MYO9B: variants seen among roughly 807,000 people sequenced by gnomAD.
MYO9B encodes the protein unconventional myosin-IXb.
In MYO9B, 71 loss-of-function variants were observed where a neutral mutation model predicts 229.5. That is an observed-to-expected ratio of 0.31 (90% CI 0.26 to 0.38). The LOEUF (loss-of-function observed/expected upper bound fraction) is 0.38, where lower values mean the gene tolerates loss of function less well. MYO9B is among the 10% of genes least tolerant of loss of function. The pLI, the probability that MYO9B is intolerant of heterozygous loss-of-function variation, is 1.00. For synonymous variants in MYO9B, 1,185 were observed against 1,235.8 expected (o/e 0.96, Z 0.86); for missense variants, 2,255 against 2,920.5 (o/e 0.77, Z 5.25).
intron 14 of MYO9B, chr19:17,177,835 A>G (rs2072807949): frequency 6.6e-6 from 1 of 152,584 alleles, no homozygotes; most frequent in Non-Finnish European, 1.5e-5. Context: ...GGCTCTGAGG[A>G]GTTCGATATT....
rs750917703 is a variant in MYO9B, at chr19:17,212,016, G to A, written c.6180G>A (p.Arg2060=). 2.0e-6 allele frequency: 3 copies of A among 1,524,438 alleles called. No individual in the cohort carries two copies. The highest frequency in any genetic ancestry group is 1.1e-5 in the South Asian group (1 of 89,546). The allele number at this position is 1,524,438 out of a possible 1,614,324, so 94.4% of individuals were successfully genotyped here. Residue 2060 remains arginine (R), a synonymous_variant, in exon 40 of 40, where the codon CGG becomes CGA. Coordinates refer to ENST00000682292, the MANE Select transcript of MYO9B (RefSeq NM_004145.4). This position sits in a 1 kb window ranked among gnomAD's most constrained non-coding sequence, Gnocchi z 5.4. ...TAACGGTCAGAGTGAAGACCCCCCG[G>A]CGGACCCCCATCATGCCCACGGCCA... ...SFVTVRVKTP[R]RTPIMPTANI...
Position 17,175,700 on chromosome 19 carries a change from G to C in MYO9B, c.2178G>C (p.Glu726Asp), listed in dbSNP as rs1397895358. 6.3e-7 allele frequency: 1 copy of C among 1,575,160 alleles called. No individual in the cohort carries two copies. Among genetic ancestry groups the C allele is most frequent in the Admixed American group, 1.8e-5 (1 of 54,130 alleles). Residue 726 changes from glutamate to aspartate, a missense_variant, in exon 14 of 40, where the codon GAG becomes GAC. This residue lies in a region of MYO9B where 155 missense variants were observed against 159.1 expected (regional missense o/e 0.97). Coordinates refer to ENST00000682292, the MANE Select transcript of MYO9B (RefSeq NM_004145.4). ...CTGGTGCCCAAAGTCACCCAGAAGAGCTGCCAAGAGGAGCCAGCACCCCTT... is the reference window on the plus strand; with the variant it reads ...CTGGTGCCCAAAGTCACCCAGAAGACCTGCCAAGAGGAGCCAGCACCCCTT... The part of the protein sequence containing the change: ...SSPGAQSHPE[E>D]LPRGASTPSE...
intron 34 of MYO9B, 114 bp from the exon 35 acceptor site, chr19:17,206,999 C>T: frequency 7.0e-7 from 1 of 1,424,186 alleles, no homozygotes; most frequent in Admixed American, 2.0e-5. Flanking sequence ...CAGTGCTGGG[C>T]TGTGGCACTG....
Position 17,206,079 on chromosome 19 carries a change from G to C in MYO9B, c.5184G>C (p.Leu1728=), listed in dbSNP as rs751137942. Residue 1728 remains leucine, a synonymous_variant, in exon 32 of 40, where the codon CTG becomes CTC. Transcript: ENST00000682292. ...KLLEHVEMHG[L]YTEGLYRKSG... ...TGGAACACGTGGAGATGCACGGCCTGTACACCGAGGGCCTCTACCGCAAGT... is the reference window on the plus strand; with the variant it reads ...TGGAACACGTGGAGATGCACGGCCTCTACACCGAGGGCCTCTACCGCAAGT... 4 of 1,609,324 alleles carry C rather than the reference G, an allele frequency of 2.5e-6. No homozygotes were observed. The highest frequency in any genetic ancestry group is 3.4e-6 in the Non-Finnish European group (4 of 1,176,826).
At chr19:17,173,011 G>A (rs1401851653) in intron 13 of MYO9B, 48 bp downstream of exon 13, 1 of 1,577,962 alleles carries the variant, frequency 6.3e-7, no homozygotes, top group Non-Finnish European at 8.6e-7. Flanking sequence ...TCGAGAGGGG[G>A]GCACATCCTG....
At chr19:17,121,357 G>A (rs1208642822) in intron 2 of MYO9B, among the ~76,000 whole-genome samples, 1 of 152,020 alleles carries the variant, frequency 6.6e-6, no homozygotes, top group Non-Finnish European at 1.5e-5. Flanking sequence ...CGGGAGATGA[G>A]GGCAAACTGA....
chr19:17,183,894 GACACGT>G, intron 16 of MYO9B, 26 bp downstream of exon 16: 1 of 1,548,848 alleles, frequency 6.5e-7, no homozygotes, highest in Non-Finnish European at 8.7e-7. Context: ...CACCCCGCGC[GACACGT>G]TCCAAGATAT....
intron 10 of MYO9B, among the ~76,000 whole-genome samples, chr19:17,164,146 C>T (rs749572854): frequency 1.3e-5 from 2 of 152,064 alleles, no homozygotes; most frequent in African/African-American, 4.8e-5. Flanking sequence ...GAGCTAGAAC[C>T]GGAATCTCCC....
At chr19:17,192,401 C>G (rs1340079821) in intron 20 of MYO9B, among the ~76,000 whole-genome samples, 1 of 151,360 alleles carries the variant, frequency 6.6e-6, no homozygotes, top group Non-Finnish European at 1.5e-5. Flanking sequence ...TCGAGACCAG[C>G]CTGGCCAACA....
At chr19:17,150,170 G>A (rs752938441) in intron 3 of MYO9B, among the ~76,000 whole-genome samples, 34 of 152,304 alleles carry the variant, frequency 2.2e-4, no homozygotes, top group Non-Finnish European at 4.0e-4. Context: ...CAGCACTTTG[G>A]GGGAGTGATG....
intron 1 of MYO9B, among the ~76,000 whole-genome samples, chr19:17,081,194 C>T (rs975691272): frequency 6.6e-6 from 1 of 151,912 alleles, no homozygotes; most frequent in Non-Finnish European, 1.5e-5. Context: ...CGCCCAGCTA[C>T]TTTTTGTATT....
intron 3 of MYO9B, among the ~76,000 whole-genome samples, chr19:17,150,192 C>G (rs1287781937): frequency 6.6e-6 from 1 of 152,120 alleles, no homozygotes. Flanking sequence ...GGTGGATCAC[C>G]TGAGGCCAGG....
chr19:17,154,000 G>C lies in MYO9B; in HGVS notation c.1032G>C (p.Gly344=). 6.2e-7 allele frequency: 1 copy of C among 1,613,750 alleles called. No homozygotes were observed. The highest frequency in any genetic ancestry group is 8.5e-7 in the Non-Finnish European group (1 of 1,179,846). Residue 344 remains glycine, a synonymous_variant, in exon 5 of 40, where the codon GGG becomes GGC. Transcript: ENST00000682292. ...ATGTGTTTTATTATTTGTTACTTGGGGTCAGCGAGGAAGAGCGCCAAGAAT... is the reference window on the plus strand; with the variant it reads ...ATGTGTTTTATTATTTGTTACTTGGCGTCAGCGAGGAAGAGCGCCAAGAAT... ...NYHVFYYLLL[G]VSEEERQEFQ...
chr19:17,086,457 G>C lies in MYO9B; in HGVS notation c.-59+10583G>C, dbSNP rs117667888. ...TCCTATCCCCAGCTTCCCCACCTTG[G>C]CCCGGCTCGTATTGGGGCCAATTAT... is the stretch of plus-strand genomic sequence containing the variant. On this transcript the variant is annotated intron_variant, in intron 1 of 39. Coordinates refer to ENST00000682292, the MANE Select transcript of MYO9B (RefSeq NM_004145.4). Among the ~76,000 whole-genome samples the C allele has an allele frequency of 1.2e-4, 18 of 152,284 alleles. No homozygotes were observed. The East Asian group carries it at 3.5e-3, about 29-fold the overall frequency.
intron 2 of MYO9B, among the ~76,000 whole-genome samples, chr19:17,127,268 T>C (rs2145155132): frequency 6.9e-6 from 1 of 144,792 alleles, no homozygotes; most frequent in Non-Finnish European, 1.5e-5. Context: ...CCTTCCAAAG[T>C]GCTGGAATTA....
rs2073011961 is a variant in MYO9B, at chr19:17,193,866, A to C, written c.3129-690A>C. Among the ~76,000 whole-genome samples, 1 of 152,126 alleles carries C rather than the reference A, an allele frequency of 6.6e-6. No individual in the cohort carries two copies. Among genetic ancestry groups the C allele is most frequent in the Non-Finnish European group, 1.5e-5 (1 of 68,016 alleles). ...GCACTCCAGCCTAAGTGACAGAGCC[A>C]GACACTGTCTCTAAAAGCAAAACAG... On this transcript the variant is annotated intron_variant, in intron 21 of 39. Transcript: ENST00000682292. The surrounding 1 kb of genome is among the most constrained non-coding windows in gnomAD (Gnocchi z 4.3).
At position 17,193,316 on chromosome 19, in the gene MYO9B, C is replaced by T. The variant is rs1453209616; in HGVS notation, c.3128+254C>T. Among the ~76,000 whole-genome samples the T allele has an allele frequency of 6.6e-6, 1 of 152,228 alleles. No individual in the cohort carries two copies. The highest frequency in any genetic ancestry group is 1.5e-5 in the Non-Finnish European group (1 of 68,034). On this transcript the variant is annotated intron_variant, in intron 21 of 39. Coordinates refer to ENST00000682292, the MANE Select transcript of MYO9B (RefSeq NM_004145.4). This position sits in a 1 kb window ranked among gnomAD's most constrained non-coding sequence, Gnocchi z 4.3. The stretch of plus-strand genomic sequence containing the variant: ...TGCACCCATTCTCTGCCCAGGGACT[C>T]CCCTGTACCTGGATCGGTCAGGGAA...
intron 1 of MYO9B, chr19:17,095,457 A>G (rs1274209429): frequency 1.3e-5 from 2 of 152,146 alleles, no homozygotes. Flanking sequence ...ATCATACACC[A>G]TGTGGCTTTT....
rs2145537038 is a variant in MYO9B at position 17,212,803 on chromosome 19, T to C, written c.*493T>C. 6.5e-6 allele frequency: 1 copy of C among 153,916 alleles called. No individual in the cohort carries two copies. The highest frequency in any genetic ancestry group is 1.9e-4 in the East Asian group (1 of 5,216). 9.5% of individuals were successfully genotyped at this position (153,916 alleles called of 1,614,324 possible). A position where few individuals can be genotyped will look rare whatever the true frequency, so the allele number is the denominator to read the frequency against. On this transcript the variant is annotated 3_prime_UTR_variant, in exon 40 of 40. Transcript: ENST00000682292. This position sits in a 1 kb window ranked among gnomAD's most constrained non-coding sequence, Gnocchi z 5.4. ...GCTGTGGTTGGCTTGGGGTGGCCAA[T>C]GGGCTGGGACCCTCCATGAGAGTTT...
Sources: gnomAD v4.1 joint callset for allele counts (sites outside exome capture counted in the v4.1 genomes callset) on GRCh38, gnomAD v4.1.1 for gene constraint, gnomAD v4.1.1 regional missense constraint, Gnocchi (gnomAD v3.1) non-coding constraint, MANE v1.5 for transcripts, NCBI Gene and HGNC (gene_info 2026-07-23, HGNC 2026-07-21) for gene names.